ROBO1: variants seen among roughly 807,000 people sequenced by gnomAD.
ROBO1 encodes the protein roundabout guidance receptor 1, also known as roundabout homolog 1.
Under a neutral mutation model 195.9 loss-of-function variants are expected in ROBO1, and 149 were observed. The ratio of observed to expected loss-of-function variants is 0.76; its 90% confidence interval spans 0.67 to 0.87. The LOEUF (loss-of-function observed/expected upper bound fraction) is 0.87, where lower values mean the gene tolerates loss of function less well. ROBO1 is among the 40% of genes least tolerant of loss of function. ROBO1 has a pLI of 0.00. For synonymous variants in ROBO1, 816 were observed against 733.2 expected (o/e 1.11, Z -1.82); for missense variants, 1,933 against 2,068.3 (o/e 0.93, Z 1.27).
chr3:79,721,393 G>A (rs965174784), intron 1 of ROBO1, among the ~76,000 whole-genome samples: 4 of 152,000 alleles, frequency 2.6e-5, no homozygotes, highest in Non-Finnish European at 4.4e-5. Context: ...TACCAAAACA[G>A]TCTCTTATGA....
At chr3:78,892,775 A>G (rs1325243271) in intron 4 of ROBO1, among the ~76,000 whole-genome samples, 2 of 152,208 alleles carry the variant, frequency 1.3e-5, no homozygotes, top group Non-Finnish European at 2.9e-5. Flanking sequence ...ATCTAGATAT[A>G]TCAAGCCATT....
chr3:79,722,456 G>A (rs1702747488), intron 1 of ROBO1, among the ~76,000 whole-genome samples: 1 of 152,118 alleles, frequency 6.6e-6, no homozygotes, highest in Non-Finnish European at 1.5e-5. Context: ...TCCTCCTGAG[G>A]TCCACAGCCA....
At chr3:79,603,957 G>A (rs987588601) in intron 1 of ROBO1, among the ~76,000 whole-genome samples, 5 of 151,904 alleles carry the variant, frequency 3.3e-5, no homozygotes, top group Non-Finnish European at 5.9e-5. Context: ...AAGAGAGATC[G>A]CTCTGCAGAA....
chr3:79,459,413 C>G (rs2039726652), intron 2 of ROBO1, among the ~76,000 whole-genome samples: 1 of 152,090 alleles, frequency 6.6e-6, no homozygotes, highest in South Asian at 2.1e-4. Context: ...TGTAATTTAC[C>G]ACAGGCATTG....
intron 2 of ROBO1, among the ~76,000 whole-genome samples, chr3:79,209,661 A>G (rs995962003): frequency 6.6e-6 from 1 of 152,068 alleles, no homozygotes; most frequent in Non-Finnish European, 1.5e-5. Context: ...CCATGCCAAC[A>G]TTGTTTTATT....
At chr3:79,575,246 A>G (rs1162856858) in intron 2 of ROBO1, among the ~76,000 whole-genome samples, 6 of 129,392 alleles carry the variant, frequency 4.6e-5, no homozygotes, top group Non-Finnish European at 7.9e-5. Context: ...AAATATATAT[A>G]ACAAATATAT....
chr3:79,310,924 G>C (rs1222168102), intron 2 of ROBO1, among the ~76,000 whole-genome samples: 2 of 152,170 alleles, frequency 1.3e-5, no homozygotes, highest in African/African-American at 4.8e-5. Context: ...CTTGTCCAAA[G>C]TGTATGATGA....
intron 4 of ROBO1, among the ~76,000 whole-genome samples, chr3:78,799,265 C>T (rs11923155): frequency 0.25 from 37,780 of 151,772 alleles, 4,853 homozygotes; most frequent in Non-Finnish European, 0.27. Context: ...TGAGTTTTGG[C>T]CTGCTTTTAT....
At chr3:79,654,522 A>G (rs371371544) in intron 1 of ROBO1, among the ~76,000 whole-genome samples, 1 of 152,064 alleles carries the variant, frequency 6.6e-6, no homozygotes, top group Non-Finnish European at 1.5e-5. Flanking sequence ...CATAATAAAA[A>G]GTAGAAATCG....
chr3:78,643,054 A>G (rs1559686349), intron 21 of ROBO1, among the ~76,000 whole-genome samples: 1 of 152,114 alleles, frequency 6.6e-6, no homozygotes, highest in Non-Finnish European at 1.5e-5. Flanking sequence ...ATTATTAAAA[A>G]CCCATTTATC....
At chr3:78,984,704 G>A (rs1480534052) in intron 3 of ROBO1, among the ~76,000 whole-genome samples, 12 of 152,132 alleles carry the variant, frequency 7.9e-5, no homozygotes, top group Non-Finnish European at 1.5e-5. Context: ...TCGGACAGCT[G>A]GCTAAGAGAT....
intron 2 of ROBO1, among the ~76,000 whole-genome samples, chr3:79,225,187 A>C (rs2082204666): frequency 6.6e-6 from 1 of 152,170 alleles, no homozygotes; most frequent in Admixed American, 6.6e-5. Flanking sequence ...AATAATAAAA[A>C]AAAATCCCCA....
At chr3:79,550,760 G>A (rs1942481076) in intron 2 of ROBO1, among the ~76,000 whole-genome samples, 2 of 152,106 alleles carry the variant, frequency 1.3e-5, no homozygotes, top group Admixed American at 1.3e-4. Flanking sequence ...CCTTCCAATG[G>A]GGTTGATGGT....
chr3:79,082,094 T>C (rs907383657), intron 3 of ROBO1, among the ~76,000 whole-genome samples: 1 of 152,142 alleles, frequency 6.6e-6, no homozygotes, highest in Admixed American at 6.6e-5. Flanking sequence ...TCCTTATAAA[T>C]TCAAAGACTT....
intron 2 of ROBO1, among the ~76,000 whole-genome samples, chr3:79,566,669 G>A (rs1943099763): frequency 6.6e-6 from 1 of 151,990 alleles, no homozygotes; most frequent in Admixed American, 6.6e-5. Context: ...ATGTTTAAAA[G>A]ATAATATAAA....
chr3:79,011,457 C>T (rs1331668067), intron 3 of ROBO1, among the ~76,000 whole-genome samples: 1 of 151,986 alleles, frequency 6.6e-6, no homozygotes, highest in East Asian at 1.9e-4. Context: ...ACTGTGTTGC[C>T]AAATGATATT....
At chr3:79,477,000 T>C (rs1163139542) in intron 2 of ROBO1, among the ~76,000 whole-genome samples, 2 of 152,162 alleles carry the variant, frequency 1.3e-5, no homozygotes, top group Non-Finnish European at 2.9e-5. Flanking sequence ...TGTAAATATG[T>C]GCTTTTTTAT....
At chr3:79,511,505 T>G (rs1367505300) in intron 2 of ROBO1, among the ~76,000 whole-genome samples, 1 of 152,148 alleles carries the variant, frequency 6.6e-6, no homozygotes. Context: ...TTTCCACCCA[T>G]TCATACACTC....
intron 1 of ROBO1, among the ~76,000 whole-genome samples, chr3:79,634,051 T>C (rs1183067629): frequency 2.0e-5 from 3 of 152,094 alleles, no homozygotes; most frequent in Non-Finnish European, 1.5e-5. Flanking sequence ...GTGTGGAATA[T>C]TATTGAGCTC....
Sources: allele counts gnomAD v4.1 joint callset (sites outside exome capture counted in the v4.1 genomes callset), GRCh38; gene constraint gnomAD v4.1.1; transcripts MANE v1.5; gene names NCBI Gene and HGNC (gene_info 2026-07-23, HGNC 2026-07-21).